Variants in ZSWIM5 observed in about 807,000 individuals in gnomAD.
ZSWIM5 encodes zinc finger SWIM-type containing 5, also known as zinc finger SWIM domain-containing protein 5.
A neutral mutation model predicts 119.6 loss-of-function variants in ZSWIM5; 55 were observed. The ratio of observed to expected loss-of-function variants is 0.46; its 90% confidence interval spans 0.37 to 0.58. ZSWIM5 has a LOEUF of 0.58. Among genes scored for constraint, ZSWIM5 ranks in the 20% least tolerant of loss-of-function variants. ZSWIM5 has a pLI of 0.00. For synonymous variants in ZSWIM5, 537 were observed against 606.9 expected (o/e 0.88, Z 1.69); for missense variants, 1,193 against 1,512.8 (o/e 0.79, Z 3.51).
Position 45,039,078 on chromosome 1 carries a change from A to C in ZSWIM5, c.1757-5T>G. The C allele has an allele frequency of 6.2e-7, 1 of 1,614,092 alleles. No individual in the cohort carries two copies. Among genetic ancestry groups the C allele is most frequent in the Non-Finnish European group, 8.5e-7 (1 of 1,179,962 alleles). On this transcript the variant is annotated splice_region_variant and splice_polypyrimidine_tract_variant and intron_variant, in intron 7 of 13. Coordinates refer to ENST00000359600, the MANE Select transcript of ZSWIM5 (RefSeq NM_020883.2). The stretch of plus-strand genomic sequence containing the variant: ...TGGTTCCTCTCTGCAACAGTTCTGG[A>C]AACAAGCAGGTTAAAATTTTAGACA...
At chr1:45,157,232 G>A (rs564097658) in intron 1 of ZSWIM5, among the ~76,000 whole-genome samples, 5 of 151,948 alleles carry the variant, frequency 3.3e-5, no homozygotes, top group South Asian at 2.1e-4. Context: ...CCAGGCAGTC[G>A]CACACAATCT....
intron 6 of ZSWIM5, 139 bp downstream of exon 6, chr1:45,043,080 C>T: frequency 1.2e-6 from 1 of 842,010 alleles, no homozygotes; most frequent in Non-Finnish European, 1.9e-6. Context: ...CATAAATATC[C>T]CTAATAAAAG....
Position 45,057,324 on chromosome 1 carries a change from G to C in ZSWIM5, c.1252+1285C>G, listed in dbSNP as rs1027205126. On this transcript the variant is annotated intron_variant, in intron 4 of 13. Transcript: ENST00000359600. The surrounding 1 kb of genome is among the most constrained non-coding windows in gnomAD (Gnocchi z 4.7). ...GAGGGTTTCTTGGATGGTAGGTACA[G>C]TAATTTGTTAGATATGAAAATGCCA... is the stretch of plus-strand genomic sequence containing the variant. Among the ~76,000 whole-genome samples the C allele has an allele frequency of 6.6e-6, 1 of 152,252 alleles. No individual in the cohort carries two copies. The highest frequency in any genetic ancestry group is 1.5e-5 in the Non-Finnish European group (1 of 68,042).
chr1:45,107,471 T>G (rs979195523), intron 1 of ZSWIM5, among the ~76,000 whole-genome samples: 1 of 151,488 alleles, frequency 6.6e-6, no homozygotes, highest in Non-Finnish European at 1.5e-5. Context: ...ATCCTGTCTC[T>G]ACTAAAAAAA....
intron 5 of ZSWIM5, among the ~76,000 whole-genome samples, chr1:45,044,838 TA>T (rs1645044535): frequency 3.3e-5 from 1 of 29,908 alleles, no homozygotes; most frequent in Non-Finnish European, 5.6e-5. Context: ...TATATATAAA[TA>T]TATATATATA....
At chr1:45,162,337 C>T (rs1161304400) in intron 1 of ZSWIM5, among the ~76,000 whole-genome samples, 1 of 152,150 alleles carries the variant, frequency 6.6e-6, no homozygotes, top group African/African-American at 2.4e-5. Flanking sequence ...ACTAAAAATA[C>T]AAAAATTGGG....
Position 45,165,972 on chromosome 1 carries a change from C to T in ZSWIM5, c.595+39784G>A, listed in dbSNP as rs1272246431. 2.0e-5 allele frequency among the ~76,000 whole-genome samples: 3 copies of T among 152,058 alleles called. No homozygotes were observed. In the East Asian group the frequency reaches 5.8e-4, roughly 29 times the overall value. Reference sequence around the variant, plus strand: ...ATCCTCCCTAACTCATTTTATGAGGCCAGCATCATCCTGATACCAAAGCCT... The same window carrying T: ...ATCCTCCCTAACTCATTTTATGAGGTCAGCATCATCCTGATACCAAAGCCT... On this transcript the variant is annotated intron_variant, in intron 1 of 13. Coordinates refer to ENST00000359600, the MANE Select transcript of ZSWIM5 (RefSeq NM_020883.2).
intron 1 of ZSWIM5, among the ~76,000 whole-genome samples, chr1:45,098,207 C>T (rs1030772016): frequency 1.1e-4 from 16 of 152,094 alleles, no homozygotes; most frequent in Admixed American, 3.3e-4. Flanking sequence ...CAACAGGAAG[C>T]GGGAAAGTGA....
chr1:45,109,636 T>G (rs1645503547), intron 1 of ZSWIM5, among the ~76,000 whole-genome samples: 1 of 151,770 alleles, frequency 6.6e-6, no homozygotes, highest in Non-Finnish European at 1.5e-5. Flanking sequence ...TCCCAGCTAC[T>G]CGGGAGGCTG....
intron 2 of ZSWIM5, among the ~76,000 whole-genome samples, chr1:45,085,272 T>C (rs1462788713): frequency 2.0e-5 from 3 of 152,200 alleles, no homozygotes; most frequent in Admixed American, 6.5e-5. Flanking sequence ...GCCCTGGGCC[T>C]GGCCTATGAA....
At position 45,018,480 on chromosome 1, in the gene ZSWIM5, G is replaced by C. The variant is rs781114403; in HGVS notation, c.3532C>G (p.Leu1178Val). 1 of 1,614,032 alleles carries C rather than the reference G, an allele frequency of 6.2e-7. No homozygotes were observed. The highest frequency in any genetic ancestry group is 2.2e-5 in the East Asian group (1 of 44,892). Residue 1178 changes from leucine (L) to valine (V), a missense_variant, in exon 14 of 14, where the codon CTG becomes GTG. Physicochemically the swap from Leu to Val is conservative, Grantham distance 32. This residue lies in a region of ZSWIM5 where 961 missense variants were observed against 1,290.0 expected (regional missense o/e 0.74). Coordinates refer to ENST00000359600, the MANE Select transcript of ZSWIM5 (RefSeq NM_020883.2). This position sits in a 1 kb window ranked among gnomAD's most constrained non-coding sequence, Gnocchi z 6.7. The stretch of plus-strand genomic sequence containing the variant: ...CAGCCAAAGCGCTCTCGCACCAGCA[G>C]CATCAACTTTTTCTTGCCTTTGTAG... The part of the protein sequence containing the change: ...QIYKGKKKLM[L>V]LVRERFG
Position 45,079,727 on chromosome 1 carries a change from G to A in ZSWIM5, c.952+8154C>T, listed in dbSNP as rs1438298890. Among the ~76,000 whole-genome samples, 4 of 152,302 alleles carry A rather than the reference G, an allele frequency of 2.6e-5. No homozygotes were observed. The East Asian group carries it at 7.7e-4, about 29-fold the overall frequency. On this transcript the variant is annotated intron_variant, in intron 2 of 13. Coordinates refer to ENST00000359600, the MANE Select transcript of ZSWIM5 (RefSeq NM_020883.2). ...GCCACCACAGCTGGGAATGTCCTGA[G>A]ACTCACCTTAAGCCAGCAAGTTTCA...
Position 45,206,164 on chromosome 1 carries a change from C to G in ZSWIM5, c.187G>C (p.Asp63His). 6.2e-7 allele frequency: 1 copy of G among 1,608,178 alleles called. No individual in the cohort carries two copies. The highest frequency in any genetic ancestry group is 8.5e-7 in the Non-Finnish European group (1 of 1,178,166). The change falls in exon 1 of 14, where the codon GAT becomes CAT. Residue 63 changes from aspartate (D) to histidine (H), a missense_variant. Physicochemically the swap from Asp to His is moderately conservative, Grantham distance 81. Around this residue, in one of 2 missense-constraint regions of ZSWIM5, gnomAD observed 232 missense variants for 222.9 expected, o/e 1.04. Coordinates refer to ENST00000359600, the MANE Select transcript of ZSWIM5 (RefSeq NM_020883.2). ...TTGGCGGCGCAGTCCAGTAAGGAAT[C>G]CGGCTGCAGGTGGGGGCGGGCCCCG... ...VLGARPHLQP[D>H]SLLDCAAKTV... is the part of the protein sequence containing the mutation.
chr1:45,026,203 T>C lies in ZSWIM5; in HGVS notation c.2450-5415A>G, dbSNP rs554186395. On this transcript the variant is annotated intron_variant, in intron 11 of 13. Coordinates refer to ENST00000359600, the MANE Select transcript of ZSWIM5 (RefSeq NM_020883.2). ...GAGTGTGCCCACCACAACTGGCTATTTTTTATTTTTTAGTAGCGATGAGGT... is the reference window on the plus strand; with the variant it reads ...GAGTGTGCCCACCACAACTGGCTATCTTTTATTTTTTAGTAGCGATGAGGT... Among the ~76,000 whole-genome samples, 8 of 152,130 alleles carry C rather than the reference T, an allele frequency of 5.3e-5. No individual in the cohort carries two copies. In the East Asian group the frequency reaches 1.4e-3, roughly 26 times the overall value.
chr1:45,181,088 G>A (rs1479794882), intron 1 of ZSWIM5, among the ~76,000 whole-genome samples: 1 of 152,162 alleles, frequency 6.6e-6, no homozygotes, highest in Non-Finnish European at 1.5e-5. Flanking sequence ...GACGGAGAAT[G>A]ACTTTGACGA....
chr1:45,183,310 T>C (rs1293653416), intron 1 of ZSWIM5, among the ~76,000 whole-genome samples: 3 of 150,710 alleles, frequency 2.0e-5, no homozygotes, highest in Non-Finnish European at 4.4e-5. Flanking sequence ...AGATCCAAAA[T>C]TGACACCCTA....
At chr1:45,151,653 G>A (rs1350052155) in intron 1 of ZSWIM5, among the ~76,000 whole-genome samples, 1 of 151,994 alleles carries the variant, frequency 6.6e-6, no homozygotes, top group Non-Finnish European at 1.5e-5. Flanking sequence ...AAAATACACT[G>A]AAGCAAAAAC....
chr1:45,097,227 T>C (rs964461784), intron 1 of ZSWIM5, among the ~76,000 whole-genome samples: 1 of 152,244 alleles, frequency 6.6e-6, no homozygotes, highest in African/African-American at 2.4e-5. Context: ...ATCCCGAGCA[T>C]GGGCTAGACT....
intron 1 of ZSWIM5, among the ~76,000 whole-genome samples, chr1:45,170,427 T>C (rs1645939023): frequency 8.9e-6 from 1 of 112,292 alleles, no homozygotes; most frequent in African/African-American, 3.9e-5. Context: ...ATAAAATCAC[T>C]TTTTTTTTTT....
Sources: allele counts gnomAD v4.1 joint callset (sites outside exome capture counted in the v4.1 genomes callset), GRCh38; gene constraint gnomAD v4.1.1; regional missense constraint gnomAD v4.1.1; non-coding constraint Gnocchi (gnomAD v3.1); transcripts MANE v1.5; gene names NCBI Gene and HGNC (gene_info 2026-07-23, HGNC 2026-07-21).